Variants in WDR44 observed in about 807,000 individuals in gnomAD.
WDR44 encodes WD repeat domain 44, also known as WD repeat-containing protein 44.
Under a neutral mutation model 65.7 loss-of-function variants are expected in WDR44, and 9 were observed. The observed-to-expected ratio is 0.14, with a 90% CI of 0.08 to 0.24. The LOEUF (loss-of-function observed/expected upper bound fraction) is 0.24. Ranked by LOEUF, WDR44 falls within the 10% of genes least tolerant of loss-of-function variation. WDR44 has a pLI of 1.00. For missense variants in WDR44, 425 were observed against 670.9 expected, an observed-to-expected ratio of 0.63 and a Z score of 4.05; for synonymous variants, 220 against 235.2, an observed-to-expected ratio of 0.94 and a Z score of 0.59.
chrX:118,423,960 G>T (rs1250177215), intron 12 of WDR44, among the ~76,000 whole-genome samples: 1 of 111,231 alleles, frequency 9.0e-6, no homozygotes, highest in Non-Finnish European at 1.9e-5. Context: ...ATAGTATTCT[G>T]TTGTGTGTAT....
intron 1 of WDR44, among the ~76,000 whole-genome samples, chrX:118,361,175 C>A (rs1033289748): frequency 8.9e-6 from 1 of 112,048 alleles, no homozygotes; most frequent in Non-Finnish European, 1.9e-5. Flanking sequence ...CTGATATTTC[C>A]TTTTTGTACT....
intron 3 of WDR44, among the ~76,000 whole-genome samples, chrX:118,391,793 G>A (rs1332769737): frequency 9.0e-6 from 1 of 111,568 alleles, no homozygotes; most frequent in African/African-American, 3.3e-5. Context: ...AGGCCAGCCT[G>A]GCCAACATGG....
intron 8 of WDR44, among the ~76,000 whole-genome samples, chrX:118,402,032 G>A (rs1236078027): frequency 3.7e-5 from 4 of 107,008 alleles, no homozygotes; most frequent in African/African-American, 1.4e-4. Context: ...TTTTTTTTTA[G>A]AAAATCAAAT....
chrX:118,434,119 G>A (rs747421910), intron 13 of WDR44, among the ~76,000 whole-genome samples: 6 of 112,070 alleles, frequency 5.4e-5, no homozygotes, highest in African/African-American at 1.6e-4. Context: ...TGTTGGACAC[G>A]TTGAAAGATT....
intron 2 of WDR44, among the ~76,000 whole-genome samples, chrX:118,385,617 C>G (rs990650331): frequency 3.6e-5 from 4 of 110,316 alleles, no homozygotes; most frequent in Admixed American, 9.7e-5. Context: ...ACAAGTTTAC[C>G]TGTGTAACAA....
chrX:118,382,364 A>G (rs1057495275), intron 2 of WDR44, among the ~76,000 whole-genome samples: 6 of 111,888 alleles, frequency 5.4e-5, no homozygotes, highest in Admixed American at 1.9e-4. Context: ...AAGACATGAG[A>G]CTCCAACAAA....
At chrX:118,351,627 A>C (rs185593418) in intron 1 of WDR44, among the ~76,000 whole-genome samples, 2 of 111,471 alleles carry the variant, frequency 1.8e-5, no homozygotes, top group African/African-American at 6.5e-5. Context: ...AACCCTCTAC[A>C]TATTAGTTAG....
At chrX:118,410,504 T>C (rs1181736877) in intron 11 of WDR44, among the ~76,000 whole-genome samples, 1 of 111,784 alleles carries the variant, frequency 8.9e-6, no homozygotes, top group Admixed American at 9.5e-5. Context: ...CTGTGTGTCA[T>C]TTCTTTTACT....
intron 7 of WDR44, 44 bp from the exon 8 acceptor site, chrX:118,398,343 A>G (rs371949488): frequency 1.2e-4 from 130 of 1,100,300 alleles, no homozygotes; most frequent in Non-Finnish European, 1.4e-4. Flanking sequence ...TTTAAGAAGT[A>G]TAGAAGAAAT....
intron 2 of WDR44, among the ~76,000 whole-genome samples, chrX:118,381,950 G>A (rs12859697): frequency 0.13 from 14,627 of 110,405 alleles, 819 homozygotes; most frequent in Admixed American, 0.26. Flanking sequence ...CTATAACCTC[G>A]AACTCCTGGT....
At position 118,402,600 on chromosome X, in the gene WDR44, T is replaced by A. The variant is rs1404549495; in HGVS notation, c.1275-1738T>A. On this transcript the variant is annotated intron_variant, in intron 8 of 19. Transcript: ENST00000254029. ...CCGTCTCTACAAAAAATACAAAAAT[T>A]AGCCAGGCATGGTGGTGTGTGCCTG... is the stretch of plus-strand genomic sequence containing the variant. Among the ~76,000 whole-genome samples, 9 of 108,408 alleles carry A rather than the reference T, an allele frequency of 8.3e-5. No individual in the cohort carries two copies. The Admixed American group carries it at 9.0e-4, about 11-fold the overall frequency. 94.1% of individuals were successfully genotyped at this position (108,408 alleles called of 115,157 possible).
At chrX:118,373,442 C>A (rs182941520) in intron 1 of WDR44, among the ~76,000 whole-genome samples, 157 of 111,611 alleles carry the variant, frequency 1.4e-3, no homozygotes, top group African/African-American at 4.8e-3. Context: ...TCAAAAGCTT[C>A]ATCTCTCTGG....
intron 12 of WDR44, among the ~76,000 whole-genome samples, chrX:118,424,328 T>TAG (rs1469171352): frequency 1.2e-5 from 1 of 85,110 alleles, no homozygotes; most frequent in African/African-American, 5.9e-5. Flanking sequence ...TGTGTGTATA[T>TAG]ATATATATAT....
At chrX:118,346,928 T>A (rs2056356399) in intron 1 of WDR44, among the ~76,000 whole-genome samples, 1 of 111,449 alleles carries the variant, frequency 9.0e-6, no homozygotes, top group Non-Finnish European at 1.9e-5. Context: ...CTTTCAAACA[T>A]CCGTTTTGGC....
At chrX:118,352,065 C>G (rs1382939980) in intron 1 of WDR44, among the ~76,000 whole-genome samples, 1 of 108,757 alleles carries the variant, frequency 9.2e-6, no homozygotes, top group East Asian at 2.9e-4. Context: ...GTATAAACTC[C>G]TGTAAATTGG....
At chrX:118,427,938 G>A (rs990924798) in intron 12 of WDR44, among the ~76,000 whole-genome samples, 8 of 109,717 alleles carry the variant, frequency 7.3e-5, no homozygotes, top group Non-Finnish European at 1.5e-4. Flanking sequence ...GCCTCCCAAA[G>A]TGCTGAGATT....
intron 1 of WDR44, among the ~76,000 whole-genome samples, chrX:118,348,475 C>T (rs1024263521): frequency 4.0e-4 from 45 of 111,748 alleles, no homozygotes; most frequent in African/African-American, 1.5e-3. Context: ...TAACTTTAAC[C>T]TGCCCAATTA....
chrX:118,424,323 G>GTGTGTATATATATATATGTATATA (rs1289349202), intron 12 of WDR44, among the ~76,000 whole-genome samples: 2 of 65,566 alleles, frequency 3.1e-5, no homozygotes, highest in African/African-American at 9.9e-5. Flanking sequence ...GTGTGTGTGT[G>GTGTGTATATATATATATGTATATA]TATATATATA....
chrX:118,439,659 T>A, intron 14 of WDR44, among the ~76,000 whole-genome samples: 1 of 111,445 alleles, frequency 9.0e-6, no homozygotes, highest in Middle Eastern at 4.6e-3. Flanking sequence ...TAAGTTAAAG[T>A]ATTTTTACTT....
Sources: gnomAD v4.1 joint callset for allele counts (sites outside exome capture counted in the v4.1 genomes callset) on GRCh38, gnomAD v4.1.1 for gene constraint, MANE v1.5 for transcripts, NCBI Gene and HGNC (gene_info 2026-07-23, HGNC 2026-07-21) for gene names.